The following KIAA2012 variants were observed in gnomAD, a reference collection of about 807,000 sequenced individuals.
KIAA2012 encodes uncharacterized protein KIAA2012.
In KIAA2012, 125 loss-of-function variants were observed where a neutral mutation model predicts 150.6. That is an observed-to-expected ratio of 0.83 (90% CI 0.72 to 0.96). The LOEUF (loss-of-function observed/expected upper bound fraction) is 0.96, where lower values mean the gene tolerates loss of function less well. Ranked by LOEUF, KIAA2012 falls within the 40% of genes least tolerant of loss-of-function variation. KIAA2012 has a pLI of 0.00. For synonymous variants in KIAA2012, 462 were observed against 504.7 expected (o/e 0.92, Z 1.13); for missense variants, 1,219 against 1,354.9 (o/e 0.90, Z 1.57).
At chr2:202,160,414 C>T (rs550656962) in intron 14 of KIAA2012, among the ~76,000 whole-genome samples, 22 of 150,462 alleles carry the variant, frequency 1.5e-4, no homozygotes, top group South Asian at 4.2e-4. Context: ...CCCGGGTTCA[C>T]GCCATTCTCC....
At chr2:202,127,108 A>C (rs908730744) in intron 12 of KIAA2012, among the ~76,000 whole-genome samples, 1 of 85,458 alleles carries the variant, frequency 1.2e-5, no homozygotes, top group African/African-American at 5.8e-5. Flanking sequence ...GAAGAGGAGA[A>C]GCTGGAAAAA....
chr2:202,089,824 T>G (rs1486108812), intron 2 of KIAA2012, among the ~76,000 whole-genome samples: 1 of 152,256 alleles, frequency 6.6e-6, no homozygotes, highest in Non-Finnish European at 1.5e-5. Flanking sequence ...GAAAATGTTC[T>G]GGATTTTGTT....
intron 14 of KIAA2012, among the ~76,000 whole-genome samples, chr2:202,160,374 C>A (rs568884594): frequency 1.4e-5 from 2 of 138,148 alleles, no homozygotes; most frequent in Non-Finnish European, 3.0e-5. Context: ...AGTTCAGTGG[C>A]GTGATCTCGG....
In KIAA2012 at chr2:202,190,428, C is replaced by G; in HGVS notation, c.2746C>G (p.Gln916Glu). ...VSLDGRSSPS[Q>E]IATVTGNMES... is the part of the protein sequence containing the mutation. ...TCTAGATGGAAGATCATCACCCTCT[C>G]AGATTGCAACTGTCACTGGCAACAT... The change falls in exon 19 of 24, where the codon CAG (glutamine) becomes GAG (glutamate). Residue 916 changes from glutamine to glutamate, a missense_variant. By Grantham distance (29) the Gln-to-Glu change is conservative. Coordinates refer to ENST00000498697, the MANE Select transcript of KIAA2012 (RefSeq NM_001277372.4). The G allele has an allele frequency of 6.5e-7, 1 of 1,549,220 alleles. No homozygotes were observed. Among genetic ancestry groups the G allele is most frequent in the Non-Finnish European group, 8.7e-7 (1 of 1,146,176 alleles).
intron 22 of KIAA2012, chr2:202,197,411 C>T: frequency 4.2e-6 from 1 of 240,730 alleles, no homozygotes; most frequent in Non-Finnish European, 8.2e-6. Context: ...TGTTATGTGC[C>T]AAACACTGTT....
In KIAA2012 at chr2:202,196,957, A is replaced by G. The variant is rs1302530621; in HGVS notation, c.3345A>G (p.Lys1115=). The part of the protein sequence containing the change: ...ARLEAEERRQ[K]EEEAARLALE... ...TGGAGGCAGAGGAGAGGAGGCAAAAAGAAGAGGAAGCAGCAAGACTGGCTC... is the reference window on the plus strand; with the variant it reads ...TGGAGGCAGAGGAGAGGAGGCAAAAGGAAGAGGAAGCAGCAAGACTGGCTC... Residue 1115 remains lysine (K), a synonymous_variant, in exon 22 of 24, where the codon AAA becomes AAG. Transcript: ENST00000498697. 3 of 1,550,552 alleles carry G rather than the reference A, an allele frequency of 1.9e-6. No individual in the cohort carries two copies. The highest frequency in any genetic ancestry group is 2.6e-6 in the Non-Finnish European group (3 of 1,146,968).
intron 12 of KIAA2012, among the ~76,000 whole-genome samples, chr2:202,135,349 A>G (rs1691037293): frequency 6.6e-6 from 1 of 152,242 alleles, no homozygotes; most frequent in African/African-American, 2.4e-5. Context: ...CTGAATGACA[A>G]AAAAGAACCA....
At chr2:202,204,161 T>C (rs1316158258) in intron 23 of KIAA2012, among the ~76,000 whole-genome samples, 1 of 151,406 alleles carries the variant, frequency 6.6e-6, no homozygotes, top group East Asian at 2.0e-4. Flanking sequence ...ACTGCAGCTT[T>C]GACCTCCTGG....
intron 11 of KIAA2012, 137 bp downstream of exon 11, chr2:202,113,583 C>T (rs560672601): frequency 2.9e-5 from 18 of 615,954 alleles, no homozygotes; most frequent in Non-Finnish European, 4.6e-5. Context: ...CCCCTTTCAC[C>T]GACACAGAGG....
Position 202,073,578 on chromosome 2 carries a change from C to G in KIAA2012, c.-50C>G. On this transcript the variant is annotated 5_prime_UTR_variant, in exon 1 of 24. Coordinates refer to ENST00000498697, the MANE Select transcript of KIAA2012 (RefSeq NM_001277372.4). The stretch of plus-strand genomic sequence containing the variant: ...TCTTGAGGTGTGACCAGATTTCAGC[C>G]TTCAAAACCAAGATGGACTGCCCTT... The G allele has an allele frequency of 3.3e-6, 5 of 1,522,478 alleles. No individual in the cohort carries two copies. The highest frequency in any genetic ancestry group is 4.4e-6 in the Non-Finnish European group (5 of 1,123,988). The allele number at this position is 1,522,478 out of a possible 1,614,324, so 94.3% of individuals were successfully genotyped here.
chr2:202,139,393 G>C (rs1289584568), intron 13 of KIAA2012, among the ~76,000 whole-genome samples: 1 of 152,060 alleles, frequency 6.6e-6, no homozygotes, highest in Non-Finnish European at 1.5e-5. Flanking sequence ...TGAATCCAGG[G>C]CCTCGGAGAA....
At chr2:202,133,116 A>T (rs1449319611) in intron 12 of KIAA2012, among the ~76,000 whole-genome samples, 8 of 77,748 alleles carry the variant, frequency 1.0e-4, no homozygotes, top group African/African-American at 3.8e-4. Flanking sequence ...AAAAATATAT[A>T]TATATATATA....
intron 16 of KIAA2012, among the ~76,000 whole-genome samples, chr2:202,185,101 G>A (rs532922740): frequency 1.1e-4 from 17 of 152,218 alleles, no homozygotes; most frequent in African/African-American, 3.9e-4. Context: ...TATGGGAACA[G>A]CTCTTTCCAT....
intron 14 of KIAA2012, among the ~76,000 whole-genome samples, chr2:202,159,191 C>T (rs1267292738): frequency 6.6e-6 from 1 of 152,182 alleles, no homozygotes; most frequent in East Asian, 1.9e-4. Flanking sequence ...TGGCTTAGGA[C>T]ATCATCCAAA....
rs754845816 is a variant in KIAA2012, at chr2:202,097,613, G to A, written c.828+36G>A. 7.1e-5 allele frequency: 109 copies of A among 1,538,872 alleles called. 1 individual carries two copies. Among genetic ancestry groups the A allele is most frequent in the South Asian group, 5.5e-4 (46 of 83,208 alleles). ...TTTTTTTTTTTTTTTTCCCCGAGAC[G>A]GAGTCTCACTCTGTCACCCAGGCTA... On this transcript the variant is annotated intron_variant, in intron 5 of 23. Coordinates refer to ENST00000498697, the MANE Select transcript of KIAA2012 (RefSeq NM_001277372.4).
At chr2:202,111,608 G>A (rs929179314) in intron 10 of KIAA2012, among the ~76,000 whole-genome samples, 6 of 151,772 alleles carry the variant, frequency 4.0e-5, no homozygotes, top group Non-Finnish European at 7.4e-5. Flanking sequence ...TTGGGTGTGT[G>A]CATGTGTGTA....
intron 23 of KIAA2012, among the ~76,000 whole-genome samples, chr2:202,204,760 A>T (rs1487211485): frequency 1.2e-4 from 1 of 8,670 alleles, no homozygotes; most frequent in East Asian, 0.01. Context: ...GAAATAAAAC[A>T]GTCAAACACT....
chr2:202,123,933 T>C (rs1193341881), intron 11 of KIAA2012, among the ~76,000 whole-genome samples: 1 of 152,068 alleles, frequency 6.6e-6, no homozygotes, highest in Non-Finnish European at 1.5e-5. Flanking sequence ...TCACACCTGT[T>C]ATCCCAGCAC....
intron 23 of KIAA2012, among the ~76,000 whole-genome samples, chr2:202,202,964 ATTAGTT>A (rs1559237357): frequency 6.6e-6 from 1 of 151,768 alleles, no homozygotes; most frequent in Non-Finnish European, 1.5e-5. Flanking sequence ...TCTGAGCCCA[ATTAGTT>A]AGTTCCATTT....
Sources: gnomAD v4.1 joint callset for allele counts (sites outside exome capture counted in the v4.1 genomes callset) on GRCh38, gnomAD v4.1.1 for gene constraint, MANE v1.5 for transcripts, NCBI Gene and HGNC (gene_info 2026-07-23, HGNC 2026-07-21) for gene names.